Variants in NFIA observed in about 807,000 individuals in gnomAD.
The protein encoded by NFIA is nuclear factor 1 A-type.
In NFIA, 8 loss-of-function variants were observed where a neutral mutation model predicts 62.8. That is an observed-to-expected ratio of 0.13 (90% CI 0.07 to 0.23). The LOEUF is 0.23. NFIA is among the 10% of genes least tolerant of loss of function. The pLI is 1.00. For synonymous variants in NFIA, 235 were observed against 238.1 expected (o/e 0.99, Z 0.12); for missense variants, 410 against 642.1 (o/e 0.64, Z 3.91).
At chr1:61,252,329 C>T (rs1376207880) in intron 2 of NFIA, among the ~76,000 whole-genome samples, 1 of 152,204 alleles carries the variant, frequency 6.6e-6, no homozygotes, top group South Asian at 2.1e-4. Context: ...GTGCTTACCA[C>T]GTCAGTTGTG....
chr1:61,170,128 A>G (rs765208247), intron 2 of NFIA, among the ~76,000 whole-genome samples: 1 of 152,110 alleles, frequency 6.6e-6, no homozygotes, highest in Non-Finnish European at 1.5e-5. Context: ...ATCTGGCTAT[A>G]TAGAGCTACC....
At chr1:61,432,219 AT>A (rs10719480) in intron 10 of NFIA, among the ~76,000 whole-genome samples, 83,209 of 128,892 alleles carry the variant, frequency 0.65, 25,669 homozygotes, top group East Asian at 0.86. Flanking sequence ...ACTTTTCCCT[AT>A]TTTTTTTTTT....
chr1:61,205,988 C>G (rs1162177777), intron 2 of NFIA, among the ~76,000 whole-genome samples: 2 of 144,898 alleles, frequency 1.4e-5, no homozygotes, highest in South Asian at 2.2e-4. Flanking sequence ...GCAATCATGG[C>G]TCACTACACC....
chr1:61,439,999 G>T lies in NFIA; in HGVS notation c.1512+13443G>T, dbSNP rs138523320. Reference sequence around the variant, plus strand: ...CTGTGTGAACGGACAAAACTGAGTGGGTGTCATTTGTGACCTGGAAATAAA... The same window carrying T: ...CTGTGTGAACGGACAAAACTGAGTGTGTGTCATTTGTGACCTGGAAATAAA... On this transcript the variant is annotated intron_variant, in intron 10 of 10. Coordinates refer to ENST00000403491, the MANE Select transcript of NFIA (RefSeq NM_001134673.4). Among the ~76,000 whole-genome samples the T allele has an allele frequency of 4.6e-3, 693 of 152,118 alleles. 7 individuals carry two copies. Among genetic ancestry groups the T allele is most frequent in the African/African-American group, 0.016 (656 of 41,488 alleles).
chr1:61,437,775 G>A (rs1214697205), intron 10 of NFIA, among the ~76,000 whole-genome samples: 1 of 152,160 alleles, frequency 6.6e-6, no homozygotes, highest in Non-Finnish European at 1.5e-5. Context: ...TATACTTGGT[G>A]GGGAGAACAT....
intron 9 of NFIA, among the ~76,000 whole-genome samples, chr1:61,425,633 G>A (rs1666831415): frequency 1.3e-5 from 2 of 152,132 alleles, no homozygotes; most frequent in African/African-American, 4.8e-5. Context: ...ATGTACCTTT[G>A]GATTTATGAG....
intron 10 of NFIA, among the ~76,000 whole-genome samples, chr1:61,445,931 A>C (rs1667789297): frequency 6.6e-6 from 1 of 151,922 alleles, no homozygotes; most frequent in South Asian, 2.1e-4. Flanking sequence ...TGACTCCATG[A>C]TCTGACTTTT....
chr1:61,194,745 G>A (rs562271674), intron 2 of NFIA, among the ~76,000 whole-genome samples: 2 of 152,136 alleles, frequency 1.3e-5, no homozygotes, highest in Non-Finnish European at 2.9e-5. Context: ...TCTGAACTCA[G>A]TGCCCTTCCC....
At chr1:61,319,560 C>T (rs1660554640) in intron 3 of NFIA, among the ~76,000 whole-genome samples, 1 of 151,896 alleles carries the variant, frequency 6.6e-6, no homozygotes, top group Non-Finnish European at 1.5e-5. Context: ...GTGACAGATC[C>T]TTAAACAAAA....
At chr1:61,294,472 A>G (rs1659078443) in intron 3 of NFIA, among the ~76,000 whole-genome samples, 1 of 152,234 alleles carries the variant, frequency 6.6e-6, no homozygotes, top group Non-Finnish European at 1.5e-5. Flanking sequence ...AGTTACTTGA[A>G]AGGCGATTGA....
Position 61,406,542 on chromosome 1 carries a change from T to TGGGGGGGGGGGGGGGGG in NFIA, c.1255-19_1255-18insGGGGGGGGGGGGGGGGG. On this transcript the variant is annotated intron_variant, in intron 8 of 10. Transcript: ENST00000403491. ...TTCTTTTTCTTGTACGTGTGTTTTC[T>TGGGGGGGGGGGGGGGGG]GCCCCCCCCCCCCCCACAGCCCAAT... 23 of 1,253,788 alleles carry TGGGGGGGGGGGGGGGGG rather than the reference T, an allele frequency of 1.8e-5. No individual in the cohort carries two copies. The highest frequency in any genetic ancestry group is 6.1e-5 in the East Asian group (2 of 32,722). The allele number at this position is 1,253,788 out of a possible 1,614,324, so 77.7% of individuals were successfully genotyped here.
chr1:61,235,516 T>TAAATAAATATAAAAAATA (rs1654952032), intron 2 of NFIA, among the ~76,000 whole-genome samples: 1 of 142,604 alleles, frequency 7.0e-6, no homozygotes, highest in African/African-American at 2.7e-5. Context: ...AAATAAAAAA[T>TAAATAAATATAAAAAATA]AAAAAAAAAT....
chr1:61,315,370 T>A (rs1208031658), intron 3 of NFIA, among the ~76,000 whole-genome samples: 1 of 152,208 alleles, frequency 6.6e-6, no homozygotes, highest in Non-Finnish European at 1.5e-5. Context: ...GAAATTGAAC[T>A]CGCATACATA....
Position 61,306,130 on chromosome 1 carries a change from G to A in NFIA, c.626-26382G>A, listed in dbSNP as rs191675516. Among the ~76,000 whole-genome samples the A allele has an allele frequency of 1.2e-4, 18 of 151,662 alleles. No homozygotes were observed. The South Asian group carries it at 1.7e-3, about 14-fold the overall frequency. On this transcript the variant is annotated intron_variant, in intron 3 of 10. Coordinates refer to ENST00000403491, the MANE Select transcript of NFIA (RefSeq NM_001134673.4). ...CTCCCAAAGTGCTGGGATTACAGGC[G>A]TGAGCCACCGCACCCAGCCTTCTTT...
intron 2 of NFIA, among the ~76,000 whole-genome samples, chr1:61,253,260 T>C (rs969048016): frequency 6.6e-6 from 1 of 152,218 alleles, no homozygotes; most frequent in Non-Finnish European, 1.5e-5. Flanking sequence ...CAGTGGGTCA[T>C]AGGGCTCCAC....
In NFIA at chr1:61,099,447, T is replaced by C. The variant is rs116562688; in HGVS notation, c.559+10767T>C. On this transcript the variant is annotated intron_variant, in intron 2 of 10. Transcript: ENST00000403491. ...TGATAGAGCATTCGATTACCAACTC[T>C]TTAAACTCTTTTGGCAATTCAAGGA... is the stretch of plus-strand genomic sequence containing the variant. 7.9e-3 allele frequency among the ~76,000 whole-genome samples: 1,198 copies of C among 152,360 alleles called. 19 individuals carry two copies. Among genetic ancestry groups the C allele is most frequent in the African/African-American group, 0.027 (1,115 of 41,584 alleles).
chr1:61,087,805 A>G (rs1246078343), intron 1 of NFIA, among the ~76,000 whole-genome samples: 1 of 152,190 alleles, frequency 6.6e-6, no homozygotes, highest in Non-Finnish European at 1.5e-5. Flanking sequence ...AATAGGGTTA[A>G]GATTATACAT....
upstream of NFIA, chr1:61,081,826 G>A (rs1367359414): frequency 1.3e-6 from 2 of 1,496,930 alleles, no homozygotes; most frequent in Non-Finnish European, 1.8e-6. Flanking sequence ...CTCTGCCGAC[G>A]AATCTATTCC....
intron 10 of NFIA, among the ~76,000 whole-genome samples, chr1:61,441,331 G>GTGTGTGTCTGTCTGTC (rs1360188951): frequency 7.0e-6 from 1 of 142,346 alleles, no homozygotes; most frequent in African/African-American, 2.7e-5. Context: ...GTGTGTGTGT[G>GTGTGTGTCTGTCTGTC]TGTCTGTCTG....
Sources: gnomAD v4.1 joint callset for allele counts (sites outside exome capture counted in the v4.1 genomes callset) on GRCh38, gnomAD v4.1.1 for gene constraint, MANE v1.5 for transcripts, NCBI Gene and HGNC (gene_info 2026-07-23, HGNC 2026-07-21) for gene names.